The following SGIP1 variants were observed in gnomAD, a reference collection of about 807,000 sequenced individuals.
SGIP1 encodes SH3GL interacting endocytic adaptor 1, also known as SH3-containing GRB2-like protein 3-interacting protein 1.
A neutral mutation model predicts 107.5 loss-of-function variants in SGIP1; 38 were observed. The ratio of observed to expected loss-of-function variants is 0.35; its 90% CI spans 0.27 to 0.46. The LOEUF (loss-of-function observed/expected upper bound fraction) is 0.46. SGIP1 is among the 20% of genes least tolerant of loss of function. The pLI is 1.00. For missense variants in SGIP1, 929 were observed against 1,019.5 expected (o/e 0.91, Z 1.21); for synonymous variants, 365 against 366.1 (o/e 1.00, Z 0.03).
At chr1:66,707,862 C>A (rs2092634318) in intron 18 of SGIP1, among the ~76,000 whole-genome samples, 1 of 151,810 alleles carries the variant, frequency 6.6e-6, no homozygotes, top group South Asian at 2.1e-4. Context: ...CTAATTGCTC[C>A]CCAAGTCGAA....
intron 6 of SGIP1, 54 bp downstream of exon 6, chr1:66,642,918 A>C: frequency 1.4e-6 from 2 of 1,430,176 alleles, no homozygotes; most frequent in Non-Finnish European, 1.9e-6. Context: ...AGAAAACAGT[A>C]GGATAAATTC....
At chr1:66,686,570 AATAATTTCACG>A (rs11271170) in intron 15 of SGIP1, among the ~76,000 whole-genome samples, 2,372 of 152,328 alleles carry the variant, frequency 0.016, 60 homozygotes, top group African/African-American at 0.054. Flanking sequence ...GTAACAATTG[AATAATTTCACG>A]AAAGTATGTG....
Position 66,683,700 on chromosome 1 carries a change from C to CTTTTTTTTTTTT in SGIP1, c.1315+1348_1315+1359dup, listed in dbSNP as rs869266510. Among the ~76,000 whole-genome samples, 196 of 61,382 alleles carry CTTTTTTTTTTTT rather than the reference C, an allele frequency of 3.2e-3. 23 individuals are homozygous for CTTTTTTTTTTTT. The highest frequency in any genetic ancestry group is 0.013 in the East Asian group (12 of 902). The allele number at this position is 61,382 out of a possible 152,430, so 40.3% of individuals were successfully genotyped here. On this transcript the variant is annotated intron_variant, in intron 15 of 24. Coordinates refer to ENST00000371037, the MANE Select transcript of SGIP1 (RefSeq NM_032291.4). ...ACCACACTGTTTGTTTGTTTCTTTT[C>CTTTTTTTTTTTT]TTTTTTTTTTTTTTTTTTTTTTTTT...
At chr1:66,548,595 G>A (rs966813219) in intron 1 of SGIP1, among the ~76,000 whole-genome samples, 11 of 152,018 alleles carry the variant, frequency 7.2e-5, no homozygotes, top group Admixed American at 1.3e-4. Context: ...TTTGATAGCC[G>A]TTCTGATACT....
At chr1:66,579,710 T>C (rs183313164) in intron 1 of SGIP1, among the ~76,000 whole-genome samples, 136 of 152,308 alleles carry the variant, frequency 8.9e-4, no homozygotes, top group African/African-American at 3.0e-3. Context: ...TTCATGCTTC[T>C]TGGATCACCT....
intron 18 of SGIP1, among the ~76,000 whole-genome samples, chr1:66,710,169 T>C (rs931230570): frequency 6.6e-6 from 1 of 152,138 alleles, no homozygotes; most frequent in Admixed American, 6.6e-5. Context: ...ACTTTATTAA[T>C]CATCACTTCA....
At chr1:66,683,570 C>T (rs2087316694) in intron 15 of SGIP1, among the ~76,000 whole-genome samples, 1 of 152,094 alleles carries the variant, frequency 6.6e-6, no homozygotes. Flanking sequence ...AGGTCCTCTT[C>T]CCCTCAAAAG....
chr1:66,630,821 AAG>A (rs1374381181), intron 2 of SGIP1, among the ~76,000 whole-genome samples: 1 of 5,184 alleles, frequency 1.9e-4, no homozygotes, highest in Non-Finnish European at 2.9e-4. Flanking sequence ...GAAAGAAAGA[AAG>A]AAAGAAAGAA....
chr1:66,643,399 C>A (rs1034301330), intron 6 of SGIP1, 145 bp from the exon 7 acceptor site: 1 of 589,012 alleles, frequency 1.7e-6, no homozygotes, highest in Non-Finnish European at 3.0e-6. Context: ...AAATTCTAAC[C>A]CCTTCCTCCT....
At chr1:66,604,378 A>G (rs1295323346) in intron 1 of SGIP1, among the ~76,000 whole-genome samples, 1 of 152,218 alleles carries the variant, frequency 6.6e-6, no homozygotes. Flanking sequence ...CGTCTCAGAC[A>G]ATGAGATTCC....
chr1:66,551,129 G>A (rs1397206601), intron 1 of SGIP1, among the ~76,000 whole-genome samples: 1 of 152,140 alleles, frequency 6.6e-6, no homozygotes, highest in Non-Finnish European at 1.5e-5. Flanking sequence ...AAATGATGAA[G>A]AGGTAATGAA....
At chr1:66,561,700 C>T (rs1026787690) in intron 1 of SGIP1, among the ~76,000 whole-genome samples, 1 of 152,006 alleles carries the variant, frequency 6.6e-6, no homozygotes, top group African/African-American at 2.4e-5. Context: ...ATGAGGAAGA[C>T]ACTCGGTCCC....
chr1:66,727,634 T>C (rs1334065606), intron 19 of SGIP1, among the ~76,000 whole-genome samples: 1 of 152,230 alleles, frequency 6.6e-6, no homozygotes, highest in Admixed American at 6.5e-5. Context: ...AAGCCAAATG[T>C]TCTTCAGTAG....
At chr1:66,599,974 G>C (rs2065454692) in intron 1 of SGIP1, among the ~76,000 whole-genome samples, 1 of 152,182 alleles carries the variant, frequency 6.6e-6, no homozygotes, top group East Asian at 1.9e-4. Context: ...GTAACCCAGA[G>C]GGGCGGGCAG....
At chr1:66,652,185 T>A (rs2078892990) in intron 7 of SGIP1, among the ~76,000 whole-genome samples, 1 of 151,096 alleles carries the variant, frequency 6.6e-6, no homozygotes, top group African/African-American at 2.4e-5. Context: ...GGGAAAAAAA[T>A]TGTGTCTACC....
chr1:66,720,544 T>C (rs560014339), intron 19 of SGIP1, among the ~76,000 whole-genome samples: 17 of 152,122 alleles, frequency 1.1e-4, no homozygotes, highest in African/African-American at 3.9e-4. Context: ...CCTGGCAACA[T>C]AGGGAGAGCC....
chr1:66,548,318 T>A (rs1385599514), intron 1 of SGIP1, among the ~76,000 whole-genome samples: 1 of 152,108 alleles, frequency 6.6e-6, no homozygotes, highest in Non-Finnish European at 1.5e-5. Flanking sequence ...TTTATGTTTA[T>A]TTGTGGGAAA....
chr1:66,625,978 A>C, intron 2 of SGIP1, 68 bp downstream of exon 2: 2 of 1,248,102 alleles, frequency 1.6e-6, no homozygotes, highest in Non-Finnish European at 2.3e-6. Context: ...ATCACAGTCA[A>C]TATAAGATGG....
rs113981156 is a variant in SGIP1 at position 66,585,570 on chromosome 1, T to TTGTGTGTG, written c.11-40261_11-40254dup. ...GAAAAATTAAAAAGAGCTTTGGAGT[T>TTGTGTGTG]TGTGTGTGTGTGTGTGTGTGTGTTT... is the stretch of plus-strand genomic sequence containing the variant. On this transcript the variant is annotated intron_variant, in intron 1 of 24. Transcript: ENST00000371037. Among the ~76,000 whole-genome samples the TTGTGTGTG allele has an allele frequency of 3.6e-3, 544 of 150,056 alleles. 6 individuals carry two copies. The highest frequency in any genetic ancestry group is 0.025 in the South Asian group (120 of 4,738).
Sources: gnomAD v4.1 joint callset for allele counts (sites outside exome capture counted in the v4.1 genomes callset) on GRCh38, gnomAD v4.1.1 for gene constraint, MANE v1.5 for transcripts, NCBI Gene and HGNC (gene_info 2026-07-23, HGNC 2026-07-21) for gene names.